Variants in NR3C2 observed in about 807,000 individuals in gnomAD.
NR3C2 encodes mineralocorticoid receptor.
Under a neutral mutation model 86.4 loss-of-function variants are expected in NR3C2, and 15 were observed. The observed-to-expected ratio is 0.17, with a 90% CI of 0.12 to 0.27. NR3C2 has a LOEUF of 0.27. Ranked by LOEUF, NR3C2 falls within the 10% of genes least tolerant of loss-of-function variation. The probability of loss-of-function intolerance (pLI) is 1.00; values close to 1 mark genes in which losing one functional copy is unlikely to be tolerated. For missense variants in NR3C2, 960 were observed against 1,195.6 expected (o/e 0.80, Z 2.91); for synonymous variants, 458 against 450.5 (o/e 1.02, Z -0.21).
At chr4:148,203,267 C>CG (rs1736823278) in intron 3 of NR3C2, among the ~76,000 whole-genome samples, 2 of 151,884 alleles carry the variant, frequency 1.3e-5, no homozygotes, top group Admixed American at 1.3e-4. Context: ...CTAACTACCC[C>CG]GGTCGATACT....
intron 8 of NR3C2, among the ~76,000 whole-genome samples, chr4:148,097,743 T>TTTG (rs1731351934): frequency 4.3e-5 from 5 of 117,254 alleles, no homozygotes; most frequent in Non-Finnish European, 6.6e-5. Flanking sequence ...TTTTTTGCGT[T>TTTG]TTTTTTTGTT....
intron 1 of NR3C2, among the ~76,000 whole-genome samples, chr4:148,441,284 G>A (rs1750326666): frequency 6.6e-6 from 1 of 152,130 alleles, no homozygotes; most frequent in Admixed American, 6.5e-5. Flanking sequence ...TAGCTGCCAC[G>A]ATGTCAAACA....
intron 2 of NR3C2, among the ~76,000 whole-genome samples, chr4:148,407,457 A>G (rs538023262): frequency 3.0e-4 from 46 of 152,120 alleles, no homozygotes; most frequent in African/African-American, 1.1e-3. Context: ...TCTCAAACAT[A>G]TAATTAGTTT....
At chr4:148,106,278 A>G (rs973847549) in intron 8 of NR3C2, among the ~76,000 whole-genome samples, 1 of 152,224 alleles carries the variant, frequency 6.6e-6, no homozygotes, top group African/African-American at 2.4e-5. Context: ...TACAAAGAGA[A>G]TAAAATACCT....
intron 2 of NR3C2, among the ~76,000 whole-genome samples, chr4:148,279,721 T>C (rs1741141135): frequency 6.6e-6 from 1 of 151,890 alleles, no homozygotes; most frequent in African/African-American, 2.4e-5. Context: ...TTTAAAGTAG[T>C]TATTTTATTT....
chr4:148,221,893 T>TAAAAAAA (rs11378484), intron 3 of NR3C2, among the ~76,000 whole-genome samples: 2 of 122,692 alleles, frequency 1.6e-5, no homozygotes, highest in African/African-American at 3.1e-5. Flanking sequence ...GACTCTGTCT[T>TAAAAAAA]AAAAAAAAAA....
Position 148,194,880 on chromosome 4 carries a change from A to C in NR3C2, c.1898-18T>G, listed in dbSNP as rs762772480. 1 of 1,556,722 alleles carries C rather than the reference A, an allele frequency of 6.4e-7. No homozygotes were observed. The highest frequency in any genetic ancestry group is 8.8e-7 in the Non-Finnish European group (1 of 1,132,408). On this transcript the variant is annotated intron_variant, in intron 3 of 8. Coordinates refer to ENST00000358102, the MANE Select transcript of NR3C2 (RefSeq NM_000901.5). ...GTGTTGCCCTGATTAAAATAATAAA[A>C]AATAACTGTTAAAATAGAGTACACT...
chr4:148,096,994 A>G lies in NR3C2; in HGVS notation c.2800-15495T>C, dbSNP rs527937078. Among the ~76,000 whole-genome samples the G allele has an allele frequency of 4.4e-4, 67 of 152,296 alleles. 1 individual carries two copies. Among genetic ancestry groups the G allele is most frequent in the Non-Finnish European group, 7.3e-4 (50 of 68,028 alleles). On this transcript the variant is annotated intron_variant, in intron 8 of 8. Coordinates refer to ENST00000358102, the MANE Select transcript of NR3C2 (RefSeq NM_000901.5). Reference sequence around the variant, plus strand: ...TATAAATCAAGTATACAATGTCTCCATCTTATTTAGGATTTAGTAGTTTTC... The same window carrying G: ...TATAAATCAAGTATACAATGTCTCCGTCTTATTTAGGATTTAGTAGTTTTC...
In NR3C2 at chr4:148,287,681, A is replaced by G. The variant is rs535200334; in HGVS notation, c.1758-27564T>C. Among the ~76,000 whole-genome samples the G allele has an allele frequency of 2.5e-4, 38 of 152,338 alleles. No individual in the cohort carries two copies. In the South Asian group the frequency reaches 7.5e-3, roughly 30 times the overall value. On this transcript the variant is annotated intron_variant, in intron 2 of 8. Transcript: ENST00000358102. ...ATTATTTTCATTTTGGTTCACTATT[A>G]CATTCAATCAAGTTCTAGTAGGAAA...
chr4:148,168,482 C>T (rs556563771), intron 4 of NR3C2, among the ~76,000 whole-genome samples: 1 of 152,328 alleles, frequency 6.6e-6, no homozygotes, highest in African/African-American at 2.4e-5. Context: ...GGCATGTACA[C>T]GGAGACTCAC....
At chr4:148,228,482 A>AT (rs566280755) in intron 3 of NR3C2, among the ~76,000 whole-genome samples, 15 of 152,106 alleles carry the variant, frequency 9.9e-5, no homozygotes, top group African/African-American at 2.9e-4. Flanking sequence ...AGCTGCAATG[A>AT]TTTTTTTGCC....
chr4:148,376,146 A>G (rs1465900440), intron 2 of NR3C2, among the ~76,000 whole-genome samples: 1 of 45,874 alleles, frequency 2.2e-5, no homozygotes, highest in Non-Finnish European at 5.3e-5. Flanking sequence ...GGAGTAAGGC[A>G]AAAAAAAAAA....
At chr4:148,403,916 T>C (rs1456604560) in intron 2 of NR3C2, among the ~76,000 whole-genome samples, 1 of 152,066 alleles carries the variant, frequency 6.6e-6, no homozygotes, top group African/African-American at 2.4e-5. Context: ...CAGTGATAAT[T>C]TGTTAAATAT....
intron 3 of NR3C2, among the ~76,000 whole-genome samples, chr4:148,237,257 C>A (rs1026422507): frequency 2.0e-5 from 3 of 152,112 alleles, no homozygotes; most frequent in Admixed American, 2.0e-4. Flanking sequence ...TGCCAAGAAC[C>A]TTTATCACTA....
At chr4:148,344,502 G>C (rs1242183278) in intron 2 of NR3C2, among the ~76,000 whole-genome samples, 1 of 152,088 alleles carries the variant, frequency 6.6e-6, no homozygotes, top group Non-Finnish European at 1.5e-5. Flanking sequence ...GGTCCTCAAA[G>C]TTGAATGAGA....
chr4:148,192,860 GGA>G (rs879636729), intron 4 of NR3C2, among the ~76,000 whole-genome samples: 7 of 151,904 alleles, frequency 4.6e-5, no homozygotes, highest in Non-Finnish European at 8.8e-5. Context: ...CTGTTTCCAG[GGA>G]GAGGGCAAGA....
intron 2 of NR3C2, among the ~76,000 whole-genome samples, chr4:148,371,335 CTTTACT>C (rs1746408860): frequency 6.6e-6 from 1 of 152,038 alleles, no homozygotes; most frequent in African/African-American, 2.4e-5. Context: ...CCCCTCTTGC[CTTTACT>C]TTTAATTCTT....
At chr4:148,313,991 ATACTC>A in intron 2 of NR3C2, among the ~76,000 whole-genome samples, 1 of 152,340 alleles carries the variant, frequency 6.6e-6, no homozygotes, top group Non-Finnish European at 1.5e-5. Context: ...GAAGCTGTAA[ATACTC>A]TAACTTCGAT....
chr4:148,187,548 A>AT (rs949939284), intron 4 of NR3C2, among the ~76,000 whole-genome samples: 21 of 143,282 alleles, frequency 1.5e-4, no homozygotes, highest in African/African-American at 4.3e-4. Context: ...TTTGGATGGG[A>AT]TTTTTTTTTC....
Sources: gnomAD v4.1 joint callset for allele counts (sites outside exome capture counted in the v4.1 genomes callset) on GRCh38, gnomAD v4.1.1 for gene constraint, MANE v1.5 for transcripts, NCBI Gene and HGNC (gene_info 2026-07-23, HGNC 2026-07-21) for gene names.